The following HOOK3 variants were observed in gnomAD, a reference collection of about 807,000 sequenced individuals.
HOOK3 encodes the protein protein Hook homolog 3.
A neutral mutation model predicts 116.3 loss-of-function variants in HOOK3; 24 were observed. The observed-to-expected ratio is 0.21, with a 90% CI of 0.15 to 0.29. The LOEUF (loss-of-function observed/expected upper bound fraction) is 0.29, where lower values mean the gene tolerates loss of function less well. Ranked by LOEUF, HOOK3 falls within the 10% of genes least tolerant of loss-of-function variation. The pLI is 1.00. For missense variants in HOOK3, 632 were observed against 830.2 expected (o/e 0.76, Z 2.93); for synonymous variants, 275 against 283.0 (o/e 0.97, Z 0.28).
At chr8:42,918,103 C>T (rs1025841397) in intron 2 of HOOK3, among the ~76,000 whole-genome samples, 3 of 152,072 alleles carry the variant, frequency 2.0e-5, no homozygotes, top group Non-Finnish European at 4.4e-5. Flanking sequence ...TACATTGGGC[C>T]GAGGCAGGCA....
rs1420894962 is a variant in HOOK3 at position 43,022,560 on chromosome 8, C to A, written c.*4062C>A. 1 of 188,218 alleles carries A rather than the reference C, an allele frequency of 5.3e-6. No homozygotes were observed. The highest frequency in any genetic ancestry group is 1.1e-5 in the Non-Finnish European group (1 of 89,492). The allele number at this position is 188,218 out of a possible 1,614,324, so 11.7% of individuals were successfully genotyped here. On this transcript the variant is annotated 3_prime_UTR_variant, in exon 22 of 22. Coordinates refer to ENST00000307602, the MANE Select transcript of HOOK3 (RefSeq NM_032410.4). Reference sequence around the variant, plus strand: ...AATATTAAAACCTAGCATTTATGTTCCACAGTGTGTATTTCAGAAGTTTGT... The same window carrying A: ...AATATTAAAACCTAGCATTTATGTTACACAGTGTGTATTTCAGAAGTTTGT...
At chr8:42,973,806 A>G (rs771120351) in intron 12 of HOOK3, among the ~76,000 whole-genome samples, 2 of 152,166 alleles carry the variant, frequency 1.3e-5, no homozygotes, top group African/African-American at 2.4e-5. Flanking sequence ...TTGTTCTCCA[A>G]TGTTTTATGT....
chr8:42,922,745 C>G (rs1807680696), intron 2 of HOOK3, among the ~76,000 whole-genome samples: 3 of 151,434 alleles, frequency 2.0e-5, no homozygotes, highest in Admixed American at 2.0e-4. Context: ...CTAAAAAATA[C>G]AAAAATTAGC....
At position 43,029,352 on chromosome 8, in the gene HOOK3, G is replaced by C. The variant is rs944691403; in HGVS notation, c.*10854G>C. On this transcript the variant is annotated 3_prime_UTR_variant, in exon 22 of 22. Transcript: ENST00000307602. ...TTTAGTAGAGACGGGGTTTCACCTT[G>C]TTGGCCAGGATGATCTCGATCTCTT... The C allele has an allele frequency of 6.0e-6, 1 of 167,136 alleles. No individual in the cohort carries two copies. The highest frequency in any genetic ancestry group is 2.4e-5 in the African/African-American group (1 of 41,880). 10.4% of individuals were successfully genotyped at this position (167,136 alleles called of 1,614,324 possible).
chr8:42,959,191 C>G, intron 7 of HOOK3, 40 bp from the exon 8 acceptor site: 1 of 1,282,792 alleles, frequency 7.8e-7, no homozygotes. Flanking sequence ...TAATTGTTAC[C>G]ACTTCATATT....
intron 13 of HOOK3, among the ~76,000 whole-genome samples, chr8:42,975,792 G>T (rs1349293747): frequency 6.6e-6 from 1 of 152,114 alleles, no homozygotes; most frequent in African/African-American, 2.4e-5. Flanking sequence ...TGCAACCTCC[G>T]CCTCCCAGGT....
At chr8:42,961,972 A>G (rs1378869217) in intron 8 of HOOK3, among the ~76,000 whole-genome samples, 2 of 151,870 alleles carry the variant, frequency 1.3e-5, no homozygotes, top group African/African-American at 2.4e-5. Flanking sequence ...TGTTTCGTAG[A>G]GTTGGGGTTT....
chr8:42,930,196 C>G, intron 4 of HOOK3, 24 bp downstream of exon 4: 1 of 1,503,720 alleles, frequency 6.7e-7, no homozygotes, highest in Non-Finnish European at 8.9e-7. Context: ...TCTCATTCTG[C>G]TTAGAAGTGT....
chr8:42,970,134 ACT>A (rs1808700694), intron 11 of HOOK3, among the ~76,000 whole-genome samples: 1 of 151,676 alleles, frequency 6.6e-6, no homozygotes, highest in Admixed American at 6.6e-5. Context: ...TCCCTTTGAG[ACT>A]CTTTTTGTCT....
At position 42,906,047 on chromosome 8, in the gene HOOK3, A is replaced by G. The variant is rs1586584502; in HGVS notation, c.58-126A>G. The G allele has an allele frequency of 1.0e-5, 7 of 699,880 alleles. No homozygotes were observed. In the East Asian group the frequency reaches 1.4e-4, roughly 14 times the overall value. 43.4% of individuals were successfully genotyped at this position (699,880 alleles called of 1,614,324 possible). A position where few individuals can be genotyped will look rare whatever the true frequency, so the allele number is the denominator to read the frequency against. On this transcript the variant is annotated intron_variant, in intron 1 of 21. Transcript: ENST00000307602. Reference sequence around the variant, plus strand: ...GGTTGCAGTGAGCCAAGATGGGGCCATTGCACTCCAGCCTGGGTGACAGGG... The same window carrying G: ...GGTTGCAGTGAGCCAAGATGGGGCCGTTGCACTCCAGCCTGGGTGACAGGG...
chr8:42,933,064 A>G (rs1054055377), intron 4 of HOOK3, among the ~76,000 whole-genome samples: 2 of 152,224 alleles, frequency 1.3e-5, no homozygotes, highest in African/African-American at 4.8e-5. Flanking sequence ...TATTTCTAGA[A>G]ATTGGTCTTT....
In HOOK3 at chr8:43,018,523, A is replaced by G. The variant is rs375021022; in HGVS notation, c.*25A>G. On this transcript the variant is annotated 3_prime_UTR_variant, in exon 22 of 22. Transcript: ENST00000307602. ...GAGAAGTTGTGCCGCTCAATCACAG[A>G]CACCTGCACCCACAACATACTTCTG... The G allele has an allele frequency of 5.5e-4, 868 of 1,581,974 alleles. 1 individual carries two copies. Among genetic ancestry groups the G allele is most frequent in the Admixed American group, 9.8e-4 (51 of 51,928 alleles).
intron 2 of HOOK3, among the ~76,000 whole-genome samples, chr8:42,919,266 C>G (rs1004163883): frequency 2.7e-5 from 4 of 145,700 alleles, no homozygotes; most frequent in Non-Finnish European, 4.5e-5. Flanking sequence ...ACTTCTCAGA[C>G]GGGGCGGCCA....
intron 5 of HOOK3, among the ~76,000 whole-genome samples, chr8:42,948,127 A>G (rs1020342709): frequency 6.6e-6 from 1 of 152,188 alleles, no homozygotes; most frequent in African/African-American, 2.4e-5. Context: ...TTTACAGACT[A>G]GGAAGCTGGG....
At position 42,958,250 on chromosome 8, in the gene HOOK3, C is replaced by G. The variant is rs149633611; in HGVS notation, c.532-981C>G. Among the ~76,000 whole-genome samples, 1,203 of 152,248 alleles carry G rather than the reference C, an allele frequency of 7.9e-3. 17 individuals are homozygous for G. Among genetic ancestry groups the G allele is most frequent in the African/African-American group, 0.027 (1,116 of 41,542 alleles). On this transcript the variant is annotated intron_variant, in intron 7 of 21. Coordinates refer to ENST00000307602, the MANE Select transcript of HOOK3 (RefSeq NM_032410.4). ...TTGTATTCTTTGACTTCTTTCACTT[C>G]CTTCTTTCTAAATGTTTTGCAGGAA...
intron 2 of HOOK3, among the ~76,000 whole-genome samples, chr8:42,922,857 G>T (rs1204507685): frequency 6.6e-6 from 1 of 150,574 alleles, no homozygotes; most frequent in African/African-American, 2.4e-5. Context: ...CCCAGCCTGG[G>T]CAACAGAGTG....
At chr8:42,969,526 G>A (rs1023989508) in intron 11 of HOOK3, among the ~76,000 whole-genome samples, 1 of 152,202 alleles carries the variant, frequency 6.6e-6, no homozygotes, top group African/African-American at 2.4e-5. Flanking sequence ...TTGGGAGGAT[G>A]AGGTTGAAGA....
chr8:42,937,688 A>G lies in HOOK3; in HGVS notation c.268-5625A>G, dbSNP rs149147520. On this transcript the variant is annotated intron_variant, in intron 4 of 21. Transcript: ENST00000307602. ...GGAGCAGGTTGTTCAGTTTCCATGTAGTTGTGCGGTTTTGAATGAGTTTTT... is the reference window on the plus strand; with the variant it reads ...GGAGCAGGTTGTTCAGTTTCCATGTGGTTGTGCGGTTTTGAATGAGTTTTT... Among the ~76,000 whole-genome samples the G allele has an allele frequency of 2.8e-3, 424 of 152,234 alleles. 3 individuals are homozygous for G. Among genetic ancestry groups the G allele is most frequent in the Non-Finnish European group, 4.0e-3 (274 of 68,008 alleles).
In HOOK3 at chr8:43,020,342, A is replaced by G. The variant is rs12335300; in HGVS notation, c.*1844A>G. 6.5e-3 allele frequency: 1,282 copies of G among 196,666 alleles called. 24 individuals are homozygous for G. The highest frequency in any genetic ancestry group is 0.028 in the African/African-American group (1,208 of 43,392). 12.2% of individuals were successfully genotyped at this position (196,666 alleles called of 1,614,324 possible). A position where few individuals can be genotyped will look rare whatever the true frequency, so the allele number is the denominator to read the frequency against. ...ACCTGATCAACTGCAAAGTTTCCAA[A>G]GTAAAAGATTAAAAACTTTCAGACG... On this transcript the variant is annotated 3_prime_UTR_variant, in exon 22 of 22. Coordinates refer to ENST00000307602, the MANE Select transcript of HOOK3 (RefSeq NM_032410.4).
Sources: allele counts gnomAD v4.1 joint callset (sites outside exome capture counted in the v4.1 genomes callset), GRCh38; gene constraint gnomAD v4.1.1; transcripts MANE v1.5; gene names NCBI Gene and HGNC (gene_info 2026-07-23, HGNC 2026-07-21).